KMT2E: variants seen among roughly 807,000 people sequenced by gnomAD.
KMT2E encodes the protein histone reader KMT2E.
In KMT2E, 30 loss-of-function variants were observed where a neutral mutation model predicts 184.6. That is an observed-to-expected ratio of 0.16 (90% CI 0.12 to 0.22). KMT2E has a LOEUF of 0.22. KMT2E is among the 10% of genes least tolerant of loss of function. KMT2E has a pLI of 1.00. For missense variants in KMT2E, 2,023 were observed against 2,237.4 expected (o/e 0.90, Z 1.93); for synonymous variants, 815 against 776.5 (o/e 1.05, Z -0.82).
chr7:105,019,847 C>G (rs922674541), intron 1 of KMT2E, among the ~76,000 whole-genome samples: 7 of 152,092 alleles, frequency 4.6e-5, no homozygotes, highest in African/African-American at 1.7e-4. Context: ...TGGCTCATAC[C>G]TGTAATTTCA....
rs781561010 is a variant in KMT2E, at chr7:105,112,607, T to G, written c.4851T>G (p.Ile1617Met). The change falls in exon 27 of 27, where the codon ATT becomes ATG. Residue 1617 changes from isoleucine to methionine, a missense_variant. By Grantham distance (10) the Ile-to-Met change is conservative. Transcript: ENST00000311117. ...GHFLPSQNPT[I>M]HHQTAAAVVP... ...TTTTGCCCTCTCAGAACCCTACCAT[T>G]CACCATCAAACTGCTGCTGCCGTAG... 6.2e-7 allele frequency: 1 copy of G among 1,613,536 alleles called. No homozygotes were observed. The highest frequency in any genetic ancestry group is 1.1e-5 in the South Asian group (1 of 91,044).
chr7:105,098,344 ATCC>A (rs1798511679), intron 15 of KMT2E, among the ~76,000 whole-genome samples: 1 of 151,694 alleles, frequency 6.6e-6, no homozygotes, highest in African/African-American at 2.4e-5. Context: ...GACTCAAGCA[ATCC>A]TCCTGCCTCA....
intron 1 of KMT2E, among the ~76,000 whole-genome samples, chr7:105,027,386 C>G (rs567203076): frequency 6.6e-6 from 1 of 152,158 alleles, no homozygotes. Context: ...TAGTCTGTCT[C>G]ATAGCAAAGG....
At chr7:105,107,964 T>G (rs1584806349) in intron 22 of KMT2E, 39 bp downstream of exon 22, 6 of 1,417,724 alleles carry the variant, frequency 4.2e-6, no homozygotes, top group South Asian at 1.5e-5. Context: ...TTAATAGTTT[T>G]TTTTTTTTTT....
rs779731460 is a variant in KMT2E at position 105,090,282 on chromosome 7, C to T, written c.1623+9C>T. 6.4e-7 allele frequency: 1 copy of T among 1,570,922 alleles called. No individual in the cohort carries two copies. Among genetic ancestry groups the T allele is most frequent in the Non-Finnish European group, 8.6e-7 (1 of 1,164,474 alleles). Reference sequence around the variant, plus strand: ...CAGTATCAAATAATCAGGTACTGAACTCTGCTCTCAATGAAATTGAATAAA... The same window carrying T: ...CAGTATCAAATAATCAGGTACTGAATTCTGCTCTCAATGAAATTGAATAAA... On this transcript the variant is annotated intron_variant, in intron 14 of 26. Transcript: ENST00000311117.
chr7:105,109,843 C>CTTTTTT (rs34727137), intron 23 of KMT2E, among the ~76,000 whole-genome samples: 1 of 136,308 alleles, frequency 7.3e-6, no homozygotes, highest in African/African-American at 2.8e-5. Flanking sequence ...ATAAGATTAA[C>CTTTTTT]TTTTTTTTTT....
chr7:105,032,073 C>CAAAAAA (rs869308527), intron 1 of KMT2E, among the ~76,000 whole-genome samples: 10 of 77,268 alleles, frequency 1.3e-4, no homozygotes, highest in Admixed American at 5.2e-4. Context: ...ACTCTTATCA[C>CAAAAAA]AAAAAAAAAA....
At chr7:105,100,777 G>A (rs769550096) in intron 15 of KMT2E, among the ~76,000 whole-genome samples, 10 of 152,078 alleles carry the variant, frequency 6.6e-5, no homozygotes, top group East Asian at 1.9e-4. Context: ...TGAAAACCTC[G>A]TATTTTCTGT....
Position 105,077,155 on chromosome 7 carries a change from T to C in KMT2E, c.961T>C (p.Leu321=). The C allele has an allele frequency of 1.2e-6, 2 of 1,614,054 alleles. No individual in the cohort carries two copies. Among genetic ancestry groups the C allele is most frequent in the Non-Finnish European group, 1.7e-6 (2 of 1,179,964 alleles). ...NDKKEMNKSD[L]NTNNLLFKPP... Reference sequence around the variant, plus strand: ...CAAAAAAGAGATGAATAAATCCGATTTGAATACCAACAATTTGCTCTTCAA... The same window carrying C: ...CAAAAAAGAGATGAATAAATCCGATCTGAATACCAACAATTTGCTCTTCAA... Residue 321 remains leucine, a synonymous_variant, in exon 10 of 27, where the codon TTG becomes CTG. Transcript: ENST00000311117.
chr7:105,110,159 A>G (rs1799146075), intron 23 of KMT2E, 121 bp from the exon 24 acceptor site: 1 of 795,934 alleles, frequency 1.3e-6, no homozygotes. Flanking sequence ...AAAGGTTAAC[A>G]CCAAAGTATT....
At chr7:105,063,742 A>C (rs1478074924) in intron 5 of KMT2E, 162 bp downstream of exon 5, 4 of 576,486 alleles carry the variant, frequency 6.9e-6, no homozygotes, top group Non-Finnish European at 1.2e-5. Flanking sequence ...CCTATGTGAA[A>C]AAAGAGTTTA....
intron 17 of KMT2E, chr7:105,104,299 G>T (rs1261465125): frequency 2.0e-5 from 3 of 152,108 alleles, no homozygotes; most frequent in African/African-American, 7.2e-5. Flanking sequence ...AGAATCAGCA[G>T]AATTAATGAC....
At position 105,101,926 on chromosome 7, in the gene KMT2E, C is replaced by A; in HGVS notation, c.1928C>A (p.Ala643Asp). The A allele has an allele frequency of 4.3e-6, 7 of 1,611,710 alleles. No homozygotes were observed. The highest frequency in any genetic ancestry group is 1.1e-5 in the South Asian group (1 of 90,244). The change falls in exon 17 of 27, where the codon GCC becomes GAC. Residue 643 changes from alanine to aspartate, a missense_variant. Coordinates refer to ENST00000311117, the MANE Select transcript of KMT2E (RefSeq NM_182931.3). Reference protein sequence around the residue: ...KEENASKPTPAKVNRTKQRKS... With the variant: ...KEENASKPTPDKVNRTKQRKS... ...GAAAATGCTAGCAAGCCAACCCCTG[C>A]CAAAGTAAATAGAACTAAACAGAGA...
intron 3 of KMT2E, among the ~76,000 whole-genome samples, chr7:105,048,823 C>T (rs576657492): frequency 6.6e-6 from 1 of 152,340 alleles, no homozygotes; most frequent in African/African-American, 2.4e-5. Context: ...AATCAGGAAG[C>T]AGGCTGGATT....
intron 25 of KMT2E, 78 bp downstream of exon 25, chr7:105,110,680 T>G: frequency 6.3e-7 from 1 of 1,598,374 alleles, no homozygotes; most frequent in Non-Finnish European, 8.6e-7. Context: ...AAAAAGTTGG[T>G]TTGGATAGTA....
At chr7:105,069,724 A>G (rs902530199) in intron 6 of KMT2E, among the ~76,000 whole-genome samples, 4 of 152,204 alleles carry the variant, frequency 2.6e-5, no homozygotes, top group Non-Finnish European at 5.9e-5. Context: ...ATAACTATTA[A>G]TACAATATCA....
chr7:105,101,427 A>G lies in KMT2E; in HGVS notation c.1725A>G (p.Thr575=), dbSNP rs755824207. 9 of 1,542,780 alleles carry G rather than the reference A, an allele frequency of 5.8e-6. No individual in the cohort carries two copies. Among genetic ancestry groups the G allele is most frequent in the Middle Eastern group, 1.7e-4 (1 of 5,836 alleles). The stretch of plus-strand genomic sequence containing the variant: ...CACTTAAAATTTAAATTTCATAGAC[A>G]AGAGAAGAAAGAAAAATGGAAGCAA... The part of the protein sequence containing the change: ...EQIAERKRKM[T]REERKMEAIL... Residue 575 remains threonine (T), a splice_region_variant and synonymous_variant, in exon 16 of 27, where the codon ACA becomes ACG. Coordinates refer to ENST00000311117, the MANE Select transcript of KMT2E (RefSeq NM_182931.3).
intron 13 of KMT2E, chr7:105,089,103 G>C (rs1304794597): frequency 3.7e-6 from 1 of 269,028 alleles, no homozygotes; most frequent in Admixed American, 5.4e-5. Context: ...TGCTTTAAAA[G>C]ACTCAAAGTT....
chr7:105,059,975 GTTGTTTTTTTTTTT>G (rs1796731995), intron 3 of KMT2E, among the ~76,000 whole-genome samples: 12 of 45,618 alleles, frequency 2.6e-4, no homozygotes, highest in African/African-American at 4.9e-4. Flanking sequence ...TTTTCTTGTT[GTTGTTTTTTTTTTT>G]TTTTTTTTTT....
Sources: gnomAD v4.1 joint callset for allele counts (sites outside exome capture counted in the v4.1 genomes callset) on GRCh38, gnomAD v4.1.1 for gene constraint, MANE v1.5 for transcripts, NCBI Gene and HGNC (gene_info 2026-07-23, HGNC 2026-07-21) for gene names.